The following KLHL29 variants were observed in gnomAD, a reference collection of about 807,000 sequenced individuals.
KLHL29 encodes kelch like family member 29.
A neutral mutation model predicts 80.4 loss-of-function variants in KLHL29; 21 were observed. The ratio of observed to expected loss-of-function variants is 0.26; its 90% CI spans 0.19 to 0.38. The LOEUF (loss-of-function observed/expected upper bound fraction) is 0.38. KLHL29 is among the 10% of genes least tolerant of loss of function. The probability of loss-of-function intolerance (pLI) is 1.00; values close to 1 mark genes in which losing one functional copy is unlikely to be tolerated. For missense variants in KLHL29, 867 were observed against 1,223.9 expected (o/e 0.71, Z 4.35); for synonymous variants, 511 against 526.8 (o/e 0.97, Z 0.41).
chr2:23,631,314 AG>A (rs1452441385), intron 3 of KLHL29, among the ~76,000 whole-genome samples: 1 of 152,048 alleles, frequency 6.6e-6, no homozygotes, highest in African/African-American at 2.4e-5. Context: ...TATATTTTAA[AG>A]GACAAGATTG....
intron 6 of KLHL29, among the ~76,000 whole-genome samples, chr2:23,687,504 C>CAA (rs1161264212): frequency 3.3e-5 from 5 of 152,208 alleles, no homozygotes; most frequent in Non-Finnish European, 7.3e-5. Flanking sequence ...CGTCACTCAG[C>CAA]AAACACACAG....
At chr2:23,664,711 G>A (rs62127276) in intron 5 of KLHL29, among the ~76,000 whole-genome samples, 1 of 152,224 alleles carries the variant, frequency 6.6e-6, no homozygotes, top group African/African-American at 2.4e-5. Context: ...CAGCACCCAC[G>A]GCTGTGCCCA....
chr2:23,410,072 T>A (rs1666825354), intron 1 of KLHL29, among the ~76,000 whole-genome samples: 1 of 149,684 alleles, frequency 6.7e-6, no homozygotes, highest in Admixed American at 6.7e-5. Flanking sequence ...AGGCGGAGAG[T>A]GGAGAATTAG....
intron 3 of KLHL29, among the ~76,000 whole-genome samples, chr2:23,619,404 G>T (rs1346895301): frequency 4.6e-5 from 7 of 152,188 alleles, no homozygotes; most frequent in Non-Finnish European, 1.0e-4. Flanking sequence ...AGTGATTGGA[G>T]AGTGGGGAGA....
chr2:23,461,602 T>C (rs1369312749), intron 1 of KLHL29, among the ~76,000 whole-genome samples: 2 of 152,054 alleles, frequency 1.3e-5, no homozygotes, highest in African/African-American at 2.4e-5. Flanking sequence ...TTTTGCTGCC[T>C]AAGCCTTTTA....
intron 1 of KLHL29, among the ~76,000 whole-genome samples, chr2:23,386,160 C>T (rs184528274): frequency 2.0e-5 from 3 of 151,976 alleles, no homozygotes; most frequent in Admixed American, 6.5e-5. Flanking sequence ...GCCACGTTCC[C>T]CTGAGCGGCC....
At chr2:23,408,160 G>A (rs1202096003) in intron 1 of KLHL29, among the ~76,000 whole-genome samples, 1 of 146,834 alleles carries the variant, frequency 6.8e-6, no homozygotes, top group Non-Finnish European at 1.5e-5. Flanking sequence ...TTAAAATCTG[G>A]TAGTACAAAT....
At position 23,687,188 on chromosome 2, in the gene KLHL29, G is replaced by A. The variant is rs1671299515; in HGVS notation, c.1079+2651G>A. ...CACTCTTGTAAGGGGAGGGAGTAGGGACCTTCTCTGGGACCTCTGTCCTGG... is the reference window on the plus strand; with the variant it reads ...CACTCTTGTAAGGGGAGGGAGTAGGAACCTTCTCTGGGACCTCTGTCCTGG... On this transcript the variant is annotated intron_variant, in intron 6 of 13. Transcript: ENST00000486442. 4.6e-5 allele frequency among the ~76,000 whole-genome samples: 7 copies of A among 152,176 alleles called. No homozygotes were observed. The South Asian group carries it at 1.4e-3, about 31-fold the overall frequency.
At chr2:23,413,753 A>G (rs1666921194) in intron 1 of KLHL29, among the ~76,000 whole-genome samples, 1 of 152,100 alleles carries the variant, frequency 6.6e-6, no homozygotes, top group African/African-American at 2.4e-5. Flanking sequence ...ATCTGTCCCC[A>G]CCAAGCCCGG....
chr2:23,683,158 G>T (rs186834127), intron 5 of KLHL29, among the ~76,000 whole-genome samples: 1 of 152,202 alleles, frequency 6.6e-6, no homozygotes, highest in Non-Finnish European at 1.5e-5. Flanking sequence ...GAGTCCTGGC[G>T]GGCAGCCGGC....
intron 3 of KLHL29, among the ~76,000 whole-genome samples, chr2:23,620,073 G>A (rs1669130435): frequency 6.6e-6 from 1 of 152,192 alleles, no homozygotes; most frequent in South Asian, 2.1e-4. Context: ...AGGCCACTGA[G>A]CTGAGTCCCT....
intron 7 of KLHL29, 128 bp from the exon 8 acceptor site, chr2:23,693,141 C>T (rs2149207201): frequency 1.8e-6 from 2 of 1,116,772 alleles, no homozygotes; most frequent in Non-Finnish European, 2.4e-6. Context: ...CCTGCAGGGA[C>T]TCTGGACACT....
intron 13 of KLHL29, among the ~76,000 whole-genome samples, chr2:23,705,167 G>GA (rs1416693545): frequency 2.6e-5 from 4 of 152,232 alleles, no homozygotes; most frequent in Admixed American, 1.3e-4. Context: ...CTCCACTTGG[G>GA]AGGATGCTCG....
intron 3 of KLHL29, among the ~76,000 whole-genome samples, chr2:23,586,209 T>C (rs1453740690): frequency 3.3e-5 from 5 of 152,098 alleles, no homozygotes; most frequent in Admixed American, 1.3e-4. Flanking sequence ...AATTTGCCAT[T>C]TTAAAGTGTA....
intron 2 of KLHL29, among the ~76,000 whole-genome samples, chr2:23,545,125 T>C (rs575053212): frequency 6.6e-6 from 1 of 152,098 alleles, no homozygotes; most frequent in African/African-American, 2.4e-5. Context: ...GAAGAAGTGG[T>C]TGGTGTTAGG....
At chr2:23,605,777 T>G (rs977045622) in intron 3 of KLHL29, among the ~76,000 whole-genome samples, 1 of 151,720 alleles carries the variant, frequency 6.6e-6, no homozygotes, top group East Asian at 1.9e-4. Context: ...AAAACCGTTT[T>G]TTTTTTTTTT....
chr2:23,603,841 C>T (rs550635241), intron 3 of KLHL29, among the ~76,000 whole-genome samples: 10 of 152,368 alleles, frequency 6.6e-5, no homozygotes, highest in African/African-American at 1.9e-4. Flanking sequence ...AGCCCATCCC[C>T]GAGTTCAGTG....
chr2:23,469,116 C>G (rs1664428628), intron 1 of KLHL29, among the ~76,000 whole-genome samples: 1 of 152,196 alleles, frequency 6.6e-6, no homozygotes, highest in African/African-American at 2.4e-5. Flanking sequence ...ATAGCCTGGT[C>G]CCAGGAGTGT....
intron 1 of KLHL29, among the ~76,000 whole-genome samples, chr2:23,387,542 T>TG (rs1256265941): frequency 8.4e-6 from 1 of 119,506 alleles, no homozygotes; most frequent in East Asian, 2.6e-4. Context: ...TTATTATTAT[T>TG]ATTATGGAAA....
Sources: gnomAD v4.1 joint callset for allele counts (sites outside exome capture counted in the v4.1 genomes callset) on GRCh38, gnomAD v4.1.1 for gene constraint, MANE v1.5 for transcripts, NCBI Gene and HGNC (gene_info 2026-07-23, HGNC 2026-07-21) for gene names.